Variants in GRIK1 observed in about 807,000 individuals in gnomAD.
The protein encoded by GRIK1 is glutamate ionotropic receptor kainate type subunit 1.
GRIK1 carries 69 observed loss-of-function variants against 105.7 expected under a neutral mutation model. The observed-to-expected ratio is 0.65, with a 90% CI of 0.54 to 0.80. The LOEUF (loss-of-function observed/expected upper bound fraction) is 0.80. Ranked by LOEUF, GRIK1 falls within the 30% of genes least tolerant of loss-of-function variation. The pLI, the probability that GRIK1 is intolerant of heterozygous loss-of-function variation, is 0.00. For missense variants in GRIK1, 1,109 were observed against 1,167.3 expected, an observed-to-expected ratio of 0.95 and a Z score of 0.73; for synonymous variants, 438 against 431.3, an observed-to-expected ratio of 1.02 and a Z score of -0.19.
At chr21:29,742,933 G>A (rs1391444883) in intron 1 of GRIK1, among the ~76,000 whole-genome samples, 1 of 152,066 alleles carries the variant, frequency 6.6e-6, no homozygotes, top group African/African-American at 2.4e-5. Context: ...CGTATTCTAT[G>A]CTGTTTCTCT....
At chr21:29,629,647 G>A (rs915027260) in intron 7 of GRIK1, among the ~76,000 whole-genome samples, 2 of 151,972 alleles carry the variant, frequency 1.3e-5, no homozygotes, top group African/African-American at 4.8e-5. Flanking sequence ...CCGCCACCAC[G>A]CCCGGCTAAT....
At chr21:29,578,130 T>G (rs543503372) in intron 13 of GRIK1, among the ~76,000 whole-genome samples, 1 of 152,180 alleles carries the variant, frequency 6.6e-6, no homozygotes, top group East Asian at 1.9e-4. Flanking sequence ...CCAGTTGTAC[T>G]GATTCACAAG....
intron 1 of GRIK1, among the ~76,000 whole-genome samples, chr21:29,904,961 G>C (rs182817402): frequency 6.6e-5 from 10 of 152,188 alleles, no homozygotes; most frequent in African/African-American, 2.4e-4. Flanking sequence ...AGTTCCAAAG[G>C]GTCACACCGC....
intron 1 of GRIK1, among the ~76,000 whole-genome samples, chr21:29,842,109 T>C (rs1255028928): frequency 6.6e-6 from 1 of 152,174 alleles, no homozygotes. Context: ...AAATACGTAA[T>C]GCATTACAAA....
intron 1 of GRIK1, among the ~76,000 whole-genome samples, chr21:29,771,916 C>G (rs1263668481): frequency 6.6e-6 from 1 of 152,180 alleles, no homozygotes; most frequent in Admixed American, 6.5e-5. Flanking sequence ...CTAGTTCTAC[C>G]AAATAAAAGA....
intron 1 of GRIK1, among the ~76,000 whole-genome samples, chr21:29,755,952 C>T (rs1803397255): frequency 6.6e-6 from 1 of 152,134 alleles, no homozygotes; most frequent in Non-Finnish European, 1.5e-5. Flanking sequence ...TTTTTACTGT[C>T]TGTGATTGAG....
At chr21:29,581,112 AAGG>A (rs1223786273) in intron 13 of GRIK1, among the ~76,000 whole-genome samples, 1 of 152,278 alleles carries the variant, frequency 6.6e-6, no homozygotes, top group East Asian at 1.9e-4. Flanking sequence ...TATGGCTGAG[AAGG>A]AGAAGACCAA....
At position 29,560,524 on chromosome 21, in the gene GRIK1, CTTTCTTT is replaced by C. The variant is rs2090438270; in HGVS notation, c.2356+1093_2356+1099del. ...CCTTCCTTCCTTCCTTCCTTCCTTT[CTTTCTTT>C]CTTTCTTTCTTTCTTTCTTTCTTTC... On this transcript the variant is annotated intron_variant, in intron 15 of 17. Coordinates refer to ENST00000327783, the MANE Select transcript of GRIK1 (RefSeq NM_001330994.2). Among the ~76,000 whole-genome samples the C allele has an allele frequency of 1.3e-4, 9 of 67,800 alleles. 1 individual carries two copies. Among genetic ancestry groups the C allele is most frequent in the African/African-American group, 4.2e-4 (6 of 14,158 alleles). The allele number at this position is 67,800 out of a possible 152,430, so 44.5% of individuals were successfully genotyped here.
At chr21:29,926,271 G>C (rs2071367133) in intron 1 of GRIK1, among the ~76,000 whole-genome samples, 1 of 152,102 alleles carries the variant, frequency 6.6e-6, no homozygotes. Context: ...TCTCATTTAA[G>C]ACACATCTCA....
intron 1 of GRIK1, among the ~76,000 whole-genome samples, chr21:29,853,805 G>T (rs1216897633): frequency 6.6e-6 from 1 of 152,132 alleles, no homozygotes; most frequent in Admixed American, 6.6e-5. Context: ...ACATACTAGT[G>T]GAAGAAGCAA....
At chr21:29,625,113 T>C (rs2255332) in intron 7 of GRIK1, among the ~76,000 whole-genome samples, 78,029 of 152,116 alleles carry the variant, frequency 0.51, 22,793 homozygotes, top group African/African-American at 0.81. Context: ...TACTGTGGAT[T>C]GTTATGAAGC....
chr21:29,879,158 C>T (rs1218790362), intron 1 of GRIK1, among the ~76,000 whole-genome samples: 1 of 152,066 alleles, frequency 6.6e-6, no homozygotes, highest in African/African-American at 2.4e-5. Context: ...GAAGAAGGAA[C>T]AACTTTCAGT....
chr21:29,651,666 T>A (rs1352820660), intron 5 of GRIK1, among the ~76,000 whole-genome samples: 1 of 152,072 alleles, frequency 6.6e-6, no homozygotes, highest in Non-Finnish European at 1.5e-5. Context: ...ATGGAAGTGC[T>A]TTGTTAAGTC....
At chr21:29,803,337 G>A (rs1381018631) in intron 1 of GRIK1, among the ~76,000 whole-genome samples, 1 of 152,162 alleles carries the variant, frequency 6.6e-6, no homozygotes, top group Non-Finnish European at 1.5e-5. Context: ...CAAGCTAAAT[G>A]TTAACGCATA....
intron 9 of GRIK1, among the ~76,000 whole-genome samples, chr21:29,592,182 C>A (rs1017875547): frequency 1.3e-5 from 2 of 152,176 alleles, no homozygotes; most frequent in Non-Finnish European, 2.9e-5. Flanking sequence ...CTTGTGAGCC[C>A]TAGCAGGACT....
chr21:29,750,790 T>C (rs2145644007), intron 1 of GRIK1, among the ~76,000 whole-genome samples: 1 of 152,374 alleles, frequency 6.6e-6, no homozygotes, highest in Non-Finnish European at 1.5e-5. Context: ...TGATATATTA[T>C]TAGATATCAA....
rs1207592350 is a variant in GRIK1, at chr21:29,560,388, CCTTCCTTCCTTCCTTT to C, written c.2356+1220_2356+1235del. Among the ~76,000 whole-genome samples, 59 of 43,630 alleles carry C rather than the reference CCTTCCTTCCTTCCTTT, an allele frequency of 1.4e-3. 4 individuals are homozygous for C. Among genetic ancestry groups the C allele is most frequent in the East Asian group, 2.7e-3 (3 of 1,116 alleles). 28.6% of individuals were successfully genotyped at this position (43,630 alleles called of 152,430 possible). Reference sequence around the variant, plus strand: ...TTCTTCCTTCCTTCCTTCCTTCCTTCCTTCCTTCCTTCCTTTCTTTCTTTCTTTCTTTCTTTCTTTC... The same window carrying C: ...TTCTTCCTTCCTTCCTTCCTTCCTTCCTTTCTTTCTTTCTTTCTTTCTTTC... On this transcript the variant is annotated intron_variant, in intron 15 of 17. Coordinates refer to ENST00000327783, the MANE Select transcript of GRIK1 (RefSeq NM_001330994.2).
At chr21:29,889,364 A>C (rs2146214103) in intron 1 of GRIK1, among the ~76,000 whole-genome samples, 1 of 152,120 alleles carries the variant, frequency 6.6e-6, no homozygotes, top group East Asian at 1.9e-4. Context: ...GATATGGGAA[A>C]CCTTTAATTA....
intron 1 of GRIK1, among the ~76,000 whole-genome samples, chr21:29,906,002 A>C (rs1278741997): frequency 6.6e-6 from 1 of 151,562 alleles, no homozygotes; most frequent in Non-Finnish European, 1.5e-5. Context: ...GTGTGTATGC[A>C]TTTTGGGGTG....
Sources: gnomAD v4.1 joint callset for allele counts (sites outside exome capture counted in the v4.1 genomes callset) on GRCh38, gnomAD v4.1.1 for gene constraint, MANE v1.5 for transcripts, NCBI Gene and HGNC (gene_info 2026-07-23, HGNC 2026-07-21) for gene names.